The following HMGXB4 variants were observed in gnomAD, a reference collection of about 807,000 sequenced individuals.
The protein encoded by HMGXB4 is HMG-box containing 4, also known as HMG domain-containing protein 4.
In HMGXB4, 27 loss-of-function variants were observed where a neutral mutation model predicts 63.9. That is an observed-to-expected ratio of 0.42 (90% CI 0.31 to 0.58). The LOEUF is 0.58. HMGXB4 is among the 20% of genes least tolerant of loss of function. The pLI is 0.13. For missense variants in HMGXB4, 624 were observed against 700.7 expected (o/e 0.89, Z 1.24); for synonymous variants, 264 against 265.3 (o/e 0.99, Z 0.05).
Position 35,263,091 on chromosome 22 carries a change from T to C in HMGXB4, c.45T>C (p.Gly15=). 6.2e-7 allele frequency: 1 copy of C among 1,613,568 alleles called. No individual in the cohort carries two copies. The highest frequency in any genetic ancestry group is 8.5e-7 in the Non-Finnish European group (1 of 1,179,882). The part of the protein sequence containing the change: ...DSVKKEDCFD[G]DHTFEDIGLA... Reference sequence around the variant, plus strand: ...TGTGCTTCTCAGATTGTTTTGATGGTGATCATACCTTTGAGGACATAGGAC... The same window carrying C: ...TGTGCTTCTCAGATTGTTTTGATGGCGATCATACCTTTGAGGACATAGGAC... Residue 15 remains glycine, a synonymous_variant, in exon 3 of 11, where the codon GGT becomes GGC. Coordinates refer to ENST00000216106, the MANE Select transcript of HMGXB4 (RefSeq NM_001003681.3).
the HMGXB4 span, among the ~76,000 whole-genome samples, chr22:35,241,906 G>C: frequency 6.6e-6 from 1 of 152,158 alleles, no homozygotes; most frequent in African/African-American, 2.4e-5. Context: ...ACGCTGCTCT[G>C]TCCGGAGCTG....
upstream of HMGXB4, among the ~76,000 whole-genome samples, chr22:35,255,252 C>A (rs965891185): frequency 2.6e-5 from 4 of 152,078 alleles, no homozygotes; most frequent in African/African-American, 9.7e-5. Context: ...AATCCCAGCA[C>A]TCTGGGAGGC....
At chr22:35,286,106 T>C in intron 7 of HMGXB4, 45 bp downstream of exon 7, 1 of 1,329,164 alleles carries the variant, frequency 7.5e-7, no homozygotes, top group Non-Finnish European at 1.1e-6. Flanking sequence ...GCTTCTCGCC[T>C]TCCAAAATAT....
At chr22:35,285,493 T>G (rs1264854872) in intron 6 of HMGXB4, among the ~76,000 whole-genome samples, 1 of 152,064 alleles carries the variant, frequency 6.6e-6, no homozygotes, top group Non-Finnish European at 1.5e-5. Context: ...TGCAGTGAGT[T>G]GAGATCACGC....
intron 8 of HMGXB4, 142 bp from the exon 9 acceptor site, chr22:35,288,096 C>T (rs978664151): frequency 3.7e-6 from 2 of 538,206 alleles, no homozygotes; most frequent in African/African-American, 1.9e-5. Context: ...AACAAGAGAC[C>T]ATAGACTGAA....
chr22:35,244,725 C>T, the HMGXB4 span, among the ~76,000 whole-genome samples: 6 of 152,082 alleles, frequency 3.9e-5, no homozygotes, highest in African/African-American at 1.4e-4. Flanking sequence ...AGTTGCTAGC[C>T]AATCAGGACA....
the HMGXB4 span, among the ~76,000 whole-genome samples, chr22:35,252,239 C>T: frequency 6.6e-6 from 1 of 152,062 alleles, no homozygotes; most frequent in African/African-American, 2.4e-5. Context: ...AAACAAAAAA[C>T]ACTAAACACG....
At chr22:35,280,420 A>G (rs1343871128) in intron 5 of HMGXB4, among the ~76,000 whole-genome samples, 1 of 152,198 alleles carries the variant, frequency 6.6e-6, no homozygotes, top group Non-Finnish European at 1.5e-5. Flanking sequence ...GCTGGTCTTC[A>G]AAGCCATTTT....
At chr22:35,292,695 G>C (rs192164175) in intron 9 of HMGXB4, among the ~76,000 whole-genome samples, 3 of 152,266 alleles carry the variant, frequency 2.0e-5, no homozygotes, top group Admixed American at 2.0e-4. Flanking sequence ...TCCAGAGTAG[G>C]TAAAGCATTT....
chr22:35,254,807 TTGAG>T (rs1220552748), upstream of HMGXB4, among the ~76,000 whole-genome samples: 4 of 152,218 alleles, frequency 2.6e-5, no homozygotes, highest in African/African-American at 9.6e-5. Flanking sequence ...CATTTTGTGA[TTGAG>T]TGAGTAGGCT....
chr22:35,273,276 G>A lies in HMGXB4; in HGVS notation c.1215+7673G>A, dbSNP rs1032234540. 5.9e-5 allele frequency among the ~76,000 whole-genome samples: 9 copies of A among 152,284 alleles called. No individual in the cohort carries two copies. The South Asian group carries it at 6.2e-4, about 11-fold the overall frequency. ...AATAATTATCATTAGCCCCACTGAC[G>A]GAGGAAGAAGCTATAATCTTTCCAC... On this transcript the variant is annotated intron_variant, in intron 5 of 10. Coordinates refer to ENST00000216106, the MANE Select transcript of HMGXB4 (RefSeq NM_001003681.3).
intron 6 of HMGXB4, among the ~76,000 whole-genome samples, chr22:35,285,099 G>T (rs1924484575): frequency 1.3e-5 from 2 of 152,096 alleles, no homozygotes; most frequent in African/African-American, 2.4e-5. Flanking sequence ...GCCTTGTATT[G>T]TGGGATCAAA....
intron 5 of HMGXB4, among the ~76,000 whole-genome samples, chr22:35,268,559 T>G (rs1923412718): frequency 6.6e-6 from 1 of 152,220 alleles, no homozygotes; most frequent in Admixed American, 6.5e-5. Flanking sequence ...GCATCTTCAG[T>G]GGATTCTTAC....
rs913705652 is a variant in HMGXB4 at position 35,293,082 on chromosome 22, C to T, written c.1729C>T (p.Pro577Ser). 6.2e-7 allele frequency: 1 copy of T among 1,614,200 alleles called. No homozygotes were observed. The highest frequency in any genetic ancestry group is 8.5e-7 in the Non-Finnish European group (1 of 1,180,032). Reference protein sequence around the residue: ...GPLACLTTQLPELNGCPKQVL... With the variant: ...GPLACLTTQLSELNGCPKQVL... ...CTTGGCATGTCTCACCACACAACTA[C>T]CTGAATTGAATGGCTGTCCCAAACA... The change falls in exon 10 of 11, where the codon CCT (proline) becomes TCT (serine). Residue 577 changes from proline (P) to serine (S), a missense_variant. Pro to Ser is a moderately conservative substitution (Grantham distance 74, BLOSUM62 -1). Transcript: ENST00000216106.
the HMGXB4 span, among the ~76,000 whole-genome samples, chr22:35,246,043 C>T: frequency 2.0e-5 from 3 of 152,300 alleles, no homozygotes; most frequent in Non-Finnish European, 4.4e-5. Context: ...ATAATCTCCA[C>T]TGTCACTGTG....
intron 5 of HMGXB4, among the ~76,000 whole-genome samples, chr22:35,278,986 G>A (rs956581736): frequency 1.5e-4 from 23 of 151,946 alleles, no homozygotes; most frequent in Middle Eastern, 3.4e-3. Flanking sequence ...ATTCAAGACT[G>A]TAGTGAGCTA....
chr22:35,272,688 C>G (rs1460075601), intron 5 of HMGXB4, among the ~76,000 whole-genome samples: 2 of 151,934 alleles, frequency 1.3e-5, no homozygotes, highest in Non-Finnish European at 2.9e-5. Context: ...TGTAATCCAG[C>G]ACTTTGGGAG....
At chr22:35,264,559 C>T (rs1346917138) in intron 4 of HMGXB4, 89 bp from the exon 5 acceptor site, 6 of 861,838 alleles carry the variant, frequency 7.0e-6, no homozygotes, top group Non-Finnish European at 1.1e-5. Context: ...GCCTCTTTCT[C>T]ATGTTAGCTA....
the HMGXB4 span, among the ~76,000 whole-genome samples, chr22:35,247,303 G>A: frequency 6.6e-6 from 1 of 152,332 alleles, no homozygotes; most frequent in East Asian, 1.9e-4. Context: ...ACTCCCGAGT[G>A]CACCACCAGA....
Sources: allele counts gnomAD v4.1 joint callset (sites outside exome capture counted in the v4.1 genomes callset), GRCh38; gene constraint gnomAD v4.1.1; transcripts MANE v1.5; gene names NCBI Gene and HGNC (gene_info 2026-07-23, HGNC 2026-07-21).